The following DLC1 variants were observed in gnomAD, a reference collection of about 807,000 sequenced individuals.
The protein encoded by DLC1 is DLC1 Rho GTPase activating protein.
Under a neutral mutation model 140.3 loss-of-function variants are expected in DLC1, and 54 were observed. That is an observed-to-expected ratio of 0.38 (90% confidence interval 0.31 to 0.48). The LOEUF is 0.48. DLC1 is among the 20% of genes least tolerant of loss of function. The pLI, the probability that DLC1 is intolerant of heterozygous loss-of-function variation, is 0.96. For synonymous variants in DLC1, 986 were observed against 728.1 expected (o/e 1.35, Z -5.70); for missense variants, 2,536 against 1,907.0 (o/e 1.33, Z -6.14).
intron 2 of DLC1, among the ~76,000 whole-genome samples, chr8:13,402,012 C>A (rs1837321024): frequency 6.6e-6 from 1 of 152,048 alleles, no homozygotes; most frequent in African/African-American, 2.4e-5. Context: ...TTTAGGGATG[C>A]ATATGAGATT....
chr8:13,526,696 C>G (rs1802929965), intron 1 of DLC1, among the ~76,000 whole-genome samples: 1 of 151,888 alleles, frequency 6.6e-6, no homozygotes, highest in Admixed American at 6.6e-5. Flanking sequence ...ACCGCATGTT[C>G]TCATTCATAG....
Position 13,512,238 on chromosome 8 carries a change from G to T in DLC1, c.-126+2364C>A, listed in dbSNP as rs1308322713. 2.0e-5 allele frequency among the ~76,000 whole-genome samples: 3 copies of T among 150,394 alleles called. No homozygotes were observed. In the East Asian group the frequency reaches 5.8e-4, roughly 29 times the overall value. ...GAAACTCAATCTGGTCATGAAAATG[G>T]AAAAAAAAAGTATCGTGACACATTC... On this transcript the variant is annotated intron_variant, in intron 1 of 17. Transcript: ENST00000276297.
intron 1 of DLC1, among the ~76,000 whole-genome samples, chr8:13,560,770 G>A (rs116483103): frequency 8.6e-5 from 13 of 152,008 alleles, no homozygotes; most frequent in African/African-American, 2.9e-4. Flanking sequence ...GTCCCTGTGG[G>A]GGGGGAGGGA....
intron 1 of DLC1, among the ~76,000 whole-genome samples, chr8:13,512,985 TA>T (rs1563412634): frequency 8.5e-6 from 1 of 117,232 alleles, no homozygotes; most frequent in African/African-American, 3.5e-5. Context: ...TTTTTTTTTT[TA>T]AATTAGAGGA....
chr8:13,366,319 C>G (rs1835477032), intron 4 of DLC1, among the ~76,000 whole-genome samples: 1 of 152,162 alleles, frequency 6.6e-6, no homozygotes, highest in African/African-American at 2.4e-5. Context: ...TGAGCATCCA[C>G]TACATGCCTG....
chr8:13,098,352 A>G lies in DLC1; in HGVS notation c.3167+47T>C, dbSNP rs76433271. 1.9e-3 allele frequency: 3,073 copies of G among 1,605,390 alleles called. 42 individuals are homozygous for G. The African/African-American group carries it at 0.035, about 18-fold the overall frequency. On this transcript the variant is annotated intron_variant, in intron 10 of 17. Coordinates refer to ENST00000276297, the MANE Select transcript of DLC1 (RefSeq NM_182643.3). ...TGGGGACAACCTCAAGGAACTGACC[A>G]AAAATATCATTTTCAACGACAGTTG...
At chr8:13,596,677 C>A (rs568625926) in intron 1 of DLC1, among the ~76,000 whole-genome samples, 1 of 151,990 alleles carries the variant, frequency 6.6e-6, no homozygotes, top group South Asian at 2.1e-4. Flanking sequence ...AATGAAAGTT[C>A]TGTACTTTAT....
At chr8:13,328,307 G>T (rs1833450938) in intron 4 of DLC1, among the ~76,000 whole-genome samples, 1 of 152,202 alleles carries the variant, frequency 6.6e-6, no homozygotes, top group South Asian at 2.1e-4. Context: ...CTGCTGATTT[G>T]GCTGGGCTGC....
At chr8:13,495,738 C>T (rs1032020712) in intron 2 of DLC1, among the ~76,000 whole-genome samples, 2 of 152,138 alleles carry the variant, frequency 1.3e-5, no homozygotes, top group Non-Finnish European at 2.9e-5. Context: ...GAAAACTAAG[C>T]TTTGCAAAAC....
chr8:13,297,162 C>T (rs946783911), intron 5 of DLC1, among the ~76,000 whole-genome samples: 1 of 150,000 alleles, frequency 6.7e-6, no homozygotes, highest in Non-Finnish European at 1.5e-5. Flanking sequence ...CCCAGTCAAC[C>T]ACAGCCAACT....
intron 5 of DLC1, among the ~76,000 whole-genome samples, chr8:13,158,266 G>A (rs1221187384): frequency 6.6e-6 from 1 of 152,144 alleles, no homozygotes; most frequent in Admixed American, 6.5e-5. Context: ...ATTTATGGGA[G>A]CCATATTCAG....
chr8:13,576,049 C>A (rs1029275974), intron 1 of DLC1, among the ~76,000 whole-genome samples: 2 of 152,180 alleles, frequency 1.3e-5, no homozygotes, highest in African/African-American at 4.8e-5. Flanking sequence ...TAGATGGAGC[C>A]AATTGTTGCC....
chr8:13,156,567 G>T (rs866832039), intron 5 of DLC1, among the ~76,000 whole-genome samples: 25 of 152,258 alleles, frequency 1.6e-4, no homozygotes, highest in African/African-American at 6.0e-4. Flanking sequence ...GGCGGGCTGC[G>T]CATGCACACA....
intron 4 of DLC1, among the ~76,000 whole-genome samples, chr8:13,371,379 T>G (rs1316412383): frequency 6.6e-6 from 1 of 152,164 alleles, no homozygotes; most frequent in Non-Finnish European, 1.5e-5. Flanking sequence ...CTCTTTCTGT[T>G]TCTATCTCTC....
chr8:13,427,282 T>G (rs1322752978), intron 2 of DLC1, among the ~76,000 whole-genome samples: 2 of 152,124 alleles, frequency 1.3e-5, no homozygotes, highest in African/African-American at 4.8e-5. Flanking sequence ...TCTGTCCAAC[T>G]CGGCTCATGG....
At chr8:13,564,380 G>A (rs1465176741) in intron 1 of DLC1, among the ~76,000 whole-genome samples, 1 of 152,066 alleles carries the variant, frequency 6.6e-6, no homozygotes, top group Non-Finnish European at 1.5e-5. Context: ...ATTCAACTTA[G>A]CCCCCTAGGA....
At chr8:13,218,526 C>G (rs556491566) in intron 5 of DLC1, among the ~76,000 whole-genome samples, 92 of 151,918 alleles carry the variant, frequency 6.1e-4, no homozygotes, top group African/African-American at 1.8e-3. Flanking sequence ...AAAAGATGCT[C>G]AGGGTTACTA....
intron 5 of DLC1, among the ~76,000 whole-genome samples, chr8:13,247,012 A>C (rs111761996): frequency 1.1e-3 from 174 of 152,174 alleles, no homozygotes; most frequent in African/African-American, 3.8e-3. Flanking sequence ...GCAGAAACAG[A>C]CTCCTCTGTT....
chr8:13,401,103 C>T (rs538368317), intron 3 of DLC1, among the ~76,000 whole-genome samples: 1 of 152,134 alleles, frequency 6.6e-6, no homozygotes, highest in Non-Finnish European at 1.5e-5. Context: ...CTTCTATATG[C>T]AATACAGATT....
Sources: allele counts gnomAD v4.1 joint callset (sites outside exome capture counted in the v4.1 genomes callset), GRCh38; gene constraint gnomAD v4.1.1; transcripts MANE v1.5; gene names NCBI Gene and HGNC (gene_info 2026-07-23, HGNC 2026-07-21).